PIGN: variants seen among roughly 807,000 people sequenced by gnomAD.
PIGN encodes the protein GPI ethanolamine phosphate transferase 1.
A neutral mutation model predicts 125.4 loss-of-function variants in PIGN; 117 were observed. The ratio of observed to expected loss-of-function variants is 0.93; its 90% CI spans 0.80 to 1.09. The LOEUF is 1.09. PIGN is among the 50% of genes least tolerant of loss of function. PIGN has a pLI of 0.00. For missense variants in PIGN, 1,075 were observed against 1,094.9 expected (o/e 0.98, Z 0.26); for synonymous variants, 392 against 377.8 (o/e 1.04, Z -0.44).
chr18:62,092,123 T>C (rs2033989392), intron 23 of PIGN, among the ~76,000 whole-genome samples: 1 of 152,144 alleles, frequency 6.6e-6, no homozygotes, highest in Non-Finnish European at 1.5e-5. Flanking sequence ...AATCACTTGA[T>C]ATATAAGACT....
chr18:62,143,545 T>G (rs1407357141), intron 10 of PIGN, among the ~76,000 whole-genome samples, 199 bp from the exon 11 acceptor site: 1 of 152,172 alleles, frequency 6.6e-6, no homozygotes, highest in Admixed American at 6.6e-5. Flanking sequence ...AAGTAAATAT[T>G]TGGTGTTTCC....
intron 1 of PIGN, among the ~76,000 whole-genome samples, chr18:62,169,442 T>C (rs1384554587): frequency 6.6e-6 from 1 of 150,714 alleles, no homozygotes; most frequent in Non-Finnish European, 1.5e-5. Context: ...TATGGGCGTG[T>C]GCTTTCATTT....
intron 29 of PIGN, among the ~76,000 whole-genome samples, chr18:62,072,933 A>G (rs2032968482): frequency 6.6e-6 from 1 of 152,326 alleles, no homozygotes; most frequent in Non-Finnish European, 1.5e-5. Context: ...TATCAATCAA[A>G]TGAACACAAA....
At chr18:62,026,880 T>C (rs996351430) in intron 23 of PIGN, among the ~76,000 whole-genome samples, 14 of 152,192 alleles carry the variant, frequency 9.2e-5, no homozygotes, top group Non-Finnish European at 1.6e-4. Flanking sequence ...GAGAAGGATG[T>C]TTCCTTTGAG....
intron 1 of PIGN, among the ~76,000 whole-genome samples, chr18:62,166,180 T>G (rs897244392): frequency 2.0e-5 from 3 of 152,182 alleles, no homozygotes; most frequent in African/African-American, 7.2e-5. Context: ...GCGCAGGACC[T>G]TCTTGCTTTT....
At chr18:62,100,614 A>G (rs989343645) in intron 22 of PIGN, among the ~76,000 whole-genome samples, 5 of 152,280 alleles carry the variant, frequency 3.3e-5, no homozygotes, top group African/African-American at 1.2e-4. Flanking sequence ...TAAGAGGACT[A>G]CATAGAAAAA....
intron 30 of PIGN, among the ~76,000 whole-genome samples, chr18:62,067,607 T>C (rs1188580557): frequency 2.0e-5 from 3 of 152,220 alleles, no homozygotes; most frequent in Non-Finnish European, 4.4e-5. Context: ...TTTCTTTAAC[T>C]CTATAAAGTA....
At chr18:62,177,559 A>C (rs1400611010) in intron 1 of PIGN, among the ~76,000 whole-genome samples, 2 of 152,148 alleles carry the variant, frequency 1.3e-5, no homozygotes, top group Non-Finnish European at 2.9e-5. Flanking sequence ...TTTTTCTGTG[A>C]ATATGCCATC....
At chr18:62,159,158 C>A (rs1302826345) in intron 4 of PIGN, among the ~76,000 whole-genome samples, 1 of 152,082 alleles carries the variant, frequency 6.6e-6, no homozygotes, top group Non-Finnish European at 1.5e-5. Flanking sequence ...GCAGGAGAAT[C>A]GCTTGAACCT....
rs1036464453 is a variant in PIGN at position 62,148,345 on chromosome 18, A to G, written c.550-7T>C. 6.8e-6 allele frequency: 10 copies of G among 1,467,966 alleles called. No individual in the cohort carries two copies. Among genetic ancestry groups the G allele is most frequent in the Non-Finnish European group, 9.1e-6 (10 of 1,099,296 alleles). 90.9% of individuals were successfully genotyped at this position (1,467,966 alleles called of 1,614,324 possible). On this transcript the variant is annotated splice_region_variant and splice_polypyrimidine_tract_variant and intron_variant, in intron 7 of 30. Transcript: ENST00000640252. ...TGGCATGATGAAAGAAGTCCTACATATAACAAATGAGTTAAAAATATTTAG... is the reference window on the plus strand; with the variant it reads ...TGGCATGATGAAAGAAGTCCTACATGTAACAAATGAGTTAAAAATATTTAG...
chr18:62,168,801 T>C lies in PIGN; in HGVS notation c.-235-5145A>G, dbSNP rs1212669912. On this transcript the variant is annotated intron_variant, in intron 1 of 30. Coordinates refer to ENST00000640252, the MANE Select transcript of PIGN (RefSeq NM_176787.5). ...GAACAAACCCATCAACCTAAAAGTT[T>C]TCTTATGAGTCTTTGTAATCCAACA... Among the ~76,000 whole-genome samples, 4 of 152,208 alleles carry C rather than the reference T, an allele frequency of 2.6e-5. No individual in the cohort carries two copies. In the East Asian group the frequency reaches 7.7e-4, roughly 29 times the overall value.
At chr18:62,163,939 C>A (rs2037042909) in intron 1 of PIGN, among the ~76,000 whole-genome samples, 1 of 152,092 alleles carries the variant, frequency 6.6e-6, no homozygotes, top group Non-Finnish European at 1.5e-5. Context: ...AGTATTTATT[C>A]TTTTTTGATT....
At chr18:62,087,703 C>T (rs1003511688) in intron 25 of PIGN, among the ~76,000 whole-genome samples, 2 of 152,156 alleles carry the variant, frequency 1.3e-5, no homozygotes, top group South Asian at 2.1e-4. Flanking sequence ...CTAGACTCTG[C>T]ACCATGGTCA....
At chr18:62,103,139 C>T (rs991110507) in intron 20 of PIGN, among the ~76,000 whole-genome samples, 2 of 152,072 alleles carry the variant, frequency 1.3e-5, no homozygotes, top group Non-Finnish European at 2.9e-5. Flanking sequence ...TTTGTAACCT[C>T]TCCCCACAAT....
intron 10 of PIGN, among the ~76,000 whole-genome samples, chr18:62,145,013 G>C (rs1235763907): frequency 1.1e-3 from 18 of 16,722 alleles, no homozygotes; most frequent in Admixed American, 6.6e-3. Flanking sequence ...ACTGGCGGGG[G>C]GGGGGGGGCA....
In PIGN at chr18:62,018,642, C is replaced by A. The variant is rs649240; in HGVS notation, c.2143-901G>T. On this transcript the variant is annotated intron_variant, in intron 23 of 24. Transcript: ENST00000639600. ...GTTACATCATTTGTCCTCATGATAACCTTAACATTAGTTATTCCAGTTTTA... is the reference window on the plus strand; with the variant it reads ...GTTACATCATTTGTCCTCATGATAAACTTAACATTAGTTATTCCAGTTTTA... Among the ~76,000 whole-genome samples, 1,037 of 152,256 alleles carry A rather than the reference C, an allele frequency of 6.8e-3. 10 individuals carry two copies. The highest frequency in any genetic ancestry group is 0.024 in the African/African-American group (991 of 41,510).
intron 7 of PIGN, among the ~76,000 whole-genome samples, chr18:62,151,683 C>T (rs1187170059): frequency 6.6e-6 from 1 of 152,188 alleles, no homozygotes; most frequent in Admixed American, 6.5e-5. Context: ...TCCTTTCTTT[C>T]CCGTTCTAAA....
rs1284631478 is a variant in PIGN at position 62,148,274 on chromosome 18, A to G, written c.614T>C (p.Val205Ala). The change falls in exon 8 of 31, where the codon GTT (valine) becomes GCT (alanine). Residue 205 changes from valine (V) to alanine (A), a missense_variant. By Grantham distance (64) the Val-to-Ala change is moderately conservative. Transcript: ENST00000640252. Reference protein sequence around the residue: ...LFSKINEEKIVFFLHLLGIDT... With the variant: ...LFSKINEEKIAFFLHLLGIDT... ...TATTCCTAATAAATGTAAGAAAAAA[A>G]CTATTTTCTCTTCATTTATTTTAGA... is the stretch of plus-strand genomic sequence containing the variant. 2 of 1,536,234 alleles carry G rather than the reference A, an allele frequency of 1.3e-6. No homozygotes were observed. The highest frequency in any genetic ancestry group is 1.8e-6 in the Non-Finnish European group (2 of 1,137,846).
chr18:62,147,289 C>T (rs1331156209), intron 8 of PIGN, among the ~76,000 whole-genome samples, 188 bp from the exon 9 acceptor site: 2 of 151,978 alleles, frequency 1.3e-5, no homozygotes, highest in Non-Finnish European at 2.9e-5. Flanking sequence ...GCTAAATAAC[C>T]TGAAATAGTT....
Sources: allele counts gnomAD v4.1 joint callset (sites outside exome capture counted in the v4.1 genomes callset), GRCh38; gene constraint gnomAD v4.1.1; transcripts MANE v1.5; gene names NCBI Gene and HGNC (gene_info 2026-07-23, HGNC 2026-07-21).